The following AGBL4 variants were observed in gnomAD, a reference collection of about 807,000 sequenced individuals.
The protein encoded by AGBL4 is cytosolic carboxypeptidase 6.
A neutral mutation model predicts 66.4 loss-of-function variants in AGBL4; 58 were observed. The ratio of observed to expected loss-of-function variants is 0.87; its 90% CI spans 0.71 to 1.09. The LOEUF (loss-of-function observed/expected upper bound fraction) is 1.09. Ranked by LOEUF, AGBL4 falls within the 50% of genes least tolerant of loss-of-function variation. The pLI, the probability that AGBL4 is intolerant of heterozygous loss-of-function variation, is 0.00. For missense variants in AGBL4, 579 were observed against 631.0 expected, an observed-to-expected ratio of 0.92 and a Z score of 0.88; for synonymous variants, 234 against 222.9, an observed-to-expected ratio of 1.05 and a Z score of -0.44.
At chr1:49,081,399 G>T (rs1410154128) in intron 4 of AGBL4, among the ~76,000 whole-genome samples, 1 of 152,152 alleles carries the variant, frequency 6.6e-6, no homozygotes, top group Non-Finnish European at 1.5e-5. Context: ...TACAGAATGG[G>T]TGAATTGATT....
At chr1:48,552,304 C>T (rs890186139) in intron 11 of AGBL4, among the ~76,000 whole-genome samples, 24 of 152,216 alleles carry the variant, frequency 1.6e-4, no homozygotes, top group East Asian at 9.7e-4. Flanking sequence ...CCTTATGATC[C>T]GCCTGCCTCA....
intron 6 of AGBL4, among the ~76,000 whole-genome samples, chr1:48,843,505 G>T (rs988395009): frequency 3.3e-5 from 5 of 151,910 alleles, no homozygotes; most frequent in African/African-American, 1.2e-4. Flanking sequence ...AGCTAAAATG[G>T]TTTTCATATT....
At chr1:49,321,262 A>C (rs1645128191) in intron 3 of AGBL4, among the ~76,000 whole-genome samples, 1 of 152,164 alleles carries the variant, frequency 6.6e-6, no homozygotes, top group African/African-American at 2.4e-5. Flanking sequence ...ACACCCTAGA[A>C]AAGTTTCTGT....
intron 3 of AGBL4, among the ~76,000 whole-genome samples, chr1:49,626,273 T>C (rs1645461095): frequency 1.3e-5 from 2 of 152,152 alleles, no homozygotes; most frequent in African/African-American, 2.4e-5. Context: ...AGCTAGCTTC[T>C]TCTGGCTGGA....
chr1:50,012,310 C>T (rs898703927), intron 1 of AGBL4, among the ~76,000 whole-genome samples: 22 of 151,348 alleles, frequency 1.5e-4, no homozygotes, highest in Admixed American at 6.6e-4. Context: ...TGACTATAGT[C>T]AATAATAACT....
intron 6 of AGBL4, among the ~76,000 whole-genome samples, chr1:48,826,841 G>A (rs1646436680): frequency 1.3e-5 from 2 of 152,088 alleles, no homozygotes; most frequent in Non-Finnish European, 2.9e-5. Context: ...TGGCTCCAAT[G>A]TCCTTCCCAC....
intron 3 of AGBL4, among the ~76,000 whole-genome samples, chr1:49,623,210 G>C (rs1364237103): frequency 1.3e-5 from 2 of 152,148 alleles, no homozygotes; most frequent in Non-Finnish European, 2.9e-5. Context: ...GTTTGGAATT[G>C]CCCGAAGTGA....
At chr1:48,716,079 A>T (rs575896268) in intron 6 of AGBL4, among the ~76,000 whole-genome samples, 1 of 152,358 alleles carries the variant, frequency 6.6e-6, no homozygotes, top group African/African-American at 2.4e-5. Flanking sequence ...GTCACGGGGC[A>T]TATGGAAATC....
intron 1 of AGBL4, among the ~76,000 whole-genome samples, chr1:49,882,037 T>G (rs1408467993): frequency 6.6e-6 from 1 of 152,124 alleles, no homozygotes; most frequent in African/African-American, 2.4e-5. Flanking sequence ...CGTTTAAGTC[T>G]TTAATCCATC....
At chr1:49,508,746 C>T (rs963058371) in intron 3 of AGBL4, among the ~76,000 whole-genome samples, 10 of 151,800 alleles carry the variant, frequency 6.6e-5, no homozygotes, top group Non-Finnish European at 1.2e-4. Context: ...TAATCATGAC[C>T]ATCTCACATG....
At chr1:49,654,956 C>A (rs1160777377) in intron 3 of AGBL4, among the ~76,000 whole-genome samples, 1 of 152,138 alleles carries the variant, frequency 6.6e-6, no homozygotes, top group Admixed American at 6.6e-5. Context: ...TGAATTTGAT[C>A]CTGTCATGAT....
rs150315608 is a variant in AGBL4 at position 49,507,318 on chromosome 1, C to T, written c.282+189995G>A. Among the ~76,000 whole-genome samples, 124 of 152,012 alleles carry T rather than the reference C, an allele frequency of 8.2e-4. 1 individual carries two copies. The highest frequency in any genetic ancestry group is 6.6e-3 in the Admixed American group (101 of 15,254). The stretch of plus-strand genomic sequence containing the variant: ...GGCTATATCTGAGACACTACCACAG[C>T]CACAAGAGAGAGCCAAATTGGGACC... On this transcript the variant is annotated intron_variant, in intron 3 of 13. Coordinates refer to ENST00000371839, the MANE Select transcript of AGBL4 (RefSeq NM_032785.4).
Position 48,736,962 on chromosome 1 carries a change from C to T in AGBL4, c.635-73721G>A, listed in dbSNP as rs770669786. On this transcript the variant is annotated intron_variant, in intron 6 of 13. Transcript: ENST00000371839. The surrounding 1 kb of genome is among the most constrained non-coding windows in gnomAD (Gnocchi z 4.0). ...ATGGTGGTTCTCAACCTTGGCTGCA[C>T]ACAGGGGTCACCTAGGGAGCTGTAA... Among the ~76,000 whole-genome samples the T allele has an allele frequency of 6.6e-6, 1 of 152,118 alleles. No homozygotes were observed. The highest frequency in any genetic ancestry group is 1.5e-5 in the Non-Finnish European group (1 of 68,024).
chr1:49,619,783 A>G (rs1210880451), intron 3 of AGBL4, among the ~76,000 whole-genome samples: 2 of 152,194 alleles, frequency 1.3e-5, no homozygotes, highest in Non-Finnish European at 2.9e-5. Flanking sequence ...GTATAGATCA[A>G]TGGAACAGAA....
intron 9 of AGBL4, among the ~76,000 whole-genome samples, chr1:48,633,839 C>CCCTTCTTTCTTCTGAAATGGTAGG (rs1645627789): frequency 2.0e-5 from 3 of 152,176 alleles, no homozygotes; most frequent in Non-Finnish European, 2.9e-5. Context: ...TGCCTATGTC[C>CCCTTCTTTCTTCTGAAATGGTAGG]CCTTCTTTCT....
intron 1 of AGBL4, among the ~76,000 whole-genome samples, chr1:50,006,756 C>A (rs1444650329): frequency 1.3e-5 from 2 of 151,698 alleles, no homozygotes; most frequent in African/African-American, 2.4e-5. Context: ...AGGAGAAATA[C>A]TTTCCCAGAC....
chr1:49,837,217 GA>G (rs1645874648), intron 2 of AGBL4, among the ~76,000 whole-genome samples: 1 of 152,164 alleles, frequency 6.6e-6, no homozygotes, highest in Non-Finnish European at 1.5e-5. Context: ...ATAAGCCCCT[GA>G]CTGGGACTTC....
chr1:49,465,105 T>C (rs920541635), intron 3 of AGBL4, among the ~76,000 whole-genome samples: 4 of 151,538 alleles, frequency 2.6e-5, no homozygotes, highest in South Asian at 4.2e-4. Context: ...GTGAGGTACA[T>C]ACACTGTGGA....
At chr1:48,605,608 G>C (rs74590228) in intron 9 of AGBL4, among the ~76,000 whole-genome samples, 3,344 of 152,108 alleles carry the variant, frequency 0.022, 110 homozygotes, top group African/African-American at 0.072. Context: ...TCTCCCACTG[G>C]ACCAAGCACT....
Sources: allele counts gnomAD v4.1 joint callset (sites outside exome capture counted in the v4.1 genomes callset), GRCh38; gene constraint gnomAD v4.1.1; non-coding constraint Gnocchi (gnomAD v3.1); transcripts MANE v1.5; gene names NCBI Gene and HGNC (gene_info 2026-07-23, HGNC 2026-07-21).